Variants in EVI2B observed in about 807,000 individuals in gnomAD.
EVI2B encodes ecotropic viral integration site 2B.
A neutral mutation model predicts 6.6 loss-of-function variants in EVI2B; 4 were observed. The observed-to-expected ratio is 0.61, with a 90% CI of 0.30 to 1.39. The LOEUF (loss-of-function observed/expected upper bound fraction) is 1.39, where lower values mean the gene tolerates loss of function less well. Among genes scored for constraint, EVI2B ranks in the 40% most tolerant of loss-of-function variants. The probability of loss-of-function intolerance (pLI) is 0.08; values close to 1 mark genes in which losing one functional copy is unlikely to be tolerated. For missense variants in EVI2B, 484 were observed against 516.6 expected, an observed-to-expected ratio of 0.94 and a Z score of 0.61; for synonymous variants, 181 against 186.8, an observed-to-expected ratio of 0.97 and a Z score of 0.25.
chr17:31,305,685 T>G (rs554250562), intron 1 of EVI2B, 55 bp from the exon 2 acceptor site: 1 of 1,483,954 alleles, frequency 6.7e-7, no homozygotes, highest in South Asian at 1.4e-5. Flanking sequence ...TGGTGTCTAG[T>G]TAAAAATTTG....
chr17:31,305,417 T>C lies in EVI2B; in HGVS notation c.193A>G (p.Thr65Ala), dbSNP rs778827046. The change falls in exon 2 of 2, where the codon ACT becomes GCT. Residue 65 changes from threonine to alanine, a missense_variant. Transcript: ENST00000330927. ...PLGQPTQFSD[T>A]FSGQSISPAK... Reference sequence around the variant, plus strand: ...GGTGATATTGATTGTCCAGAAAAAGTGTCGCTGAATTGTGTTGGTTGACCC... The same window carrying C: ...GGTGATATTGATTGTCCAGAAAAAGCGTCGCTGAATTGTGTTGGTTGACCC... 2 of 1,614,198 alleles carry C rather than the reference T, an allele frequency of 1.2e-6. No individual in the cohort carries two copies. The highest frequency in any genetic ancestry group is 3.3e-5 in the Admixed American group (2 of 60,020).
rs561921471 is a variant in EVI2B, at chr17:31,307,201, T to G, written c.-21-1571A>C. Among the ~76,000 whole-genome samples, 266 of 152,138 alleles carry G rather than the reference T, an allele frequency of 1.7e-3. 1 individual carries two copies. Among genetic ancestry groups the G allele is most frequent in the Non-Finnish European group, 1.6e-3 (107 of 67,990 alleles). The stretch of plus-strand genomic sequence containing the variant: ...CACGCCTGGCCTATTTTTGTATTTT[T>G]AGCACAGACGGGGTTTCACCGTGTT... On this transcript the variant is annotated intron_variant, in intron 1 of 1. Transcript: ENST00000330927.
In EVI2B at chr17:31,304,102, A is replaced by G. The variant is rs1336942493; in HGVS notation, c.*161T>C. On this transcript the variant is annotated 3_prime_UTR_variant, in exon 2 of 2. Transcript: ENST00000330927. The stretch of plus-strand genomic sequence containing the variant: ...GATTACTGTTAAATAACTTTTTTTA[A>G]AAAAAAGTTTCATCTATGCACATAG... The G allele has an allele frequency of 9.6e-6, 6 of 623,924 alleles. No homozygotes were observed. The highest frequency in any genetic ancestry group is 1.6e-5 in the Non-Finnish European group (6 of 381,266). 38.6% of individuals were successfully genotyped at this position (623,924 alleles called of 1,614,324 possible). A position where few individuals can be genotyped will look rare whatever the true frequency, so the allele number is the denominator to read the frequency against.
chr17:31,305,327 G>A lies in EVI2B; in HGVS notation c.283C>T (p.His95Tyr). ...VYTSSEKPEA[H>Y]TSAGQPLAYN... ...GCAAGTGGTTGTCCAGCAGAAGTAT[G>A]TGCTTCTGGTTTTTCAGAAGAGGTA... Residue 95 changes from histidine to tyrosine, a missense_variant, in exon 2 of 2, where the codon CAT becomes TAT. By Grantham distance (83) the His-to-Tyr change is moderately conservative. Coordinates refer to ENST00000330927, the MANE Select transcript of EVI2B (RefSeq NM_006495.4). 1 of 1,614,154 alleles carries A rather than the reference G, an allele frequency of 6.2e-7. No individual in the cohort carries two copies. The highest frequency in any genetic ancestry group is 1.3e-5 in the African/African-American group (1 of 75,038).
At position 31,304,315 on chromosome 17, in the gene EVI2B, G is replaced by C. The variant is rs2068647900; in HGVS notation, c.1295C>G (p.Ser432Cys). 6.2e-7 allele frequency: 1 copy of C among 1,614,106 alleles called. No individual in the cohort carries two copies. The highest frequency in any genetic ancestry group is 8.5e-7 in the Non-Finnish European group (1 of 1,179,984). Residue 432 changes from serine to cysteine, a missense_variant, in exon 2 of 2, where the codon TCT becomes TGT. Physicochemically the swap from Ser to Cys is moderately radical, Grantham distance 112 (BLOSUM62 -1). Coordinates refer to ENST00000330927, the MANE Select transcript of EVI2B (RefSeq NM_006495.4). ...CAGGGATTCATTAAGATCTTGATCAGAGTTGGGAGGAATAGAGAACTCCTG... is the reference window on the plus strand; with the variant it reads ...CAGGGATTCATTAAGATCTTGATCACAGTTGGGAGGAATAGAGAACTCCTG... ...QCQEFSIPPN[S>C]DQDLNESLPP...
At chr17:31,310,068 C>T (rs1190646827) in intron 1 of EVI2B, among the ~76,000 whole-genome samples, 2 of 151,856 alleles carry the variant, frequency 1.3e-5, no homozygotes, top group African/African-American at 2.4e-5. Flanking sequence ...ACTTTTTTCC[C>T]AGCGGTAATG....
chr17:31,308,433 G>A (rs1302309982), intron 1 of EVI2B, among the ~76,000 whole-genome samples: 1 of 152,058 alleles, frequency 6.6e-6, no homozygotes, highest in Non-Finnish European at 1.5e-5. Flanking sequence ...GAGCCACCAC[G>A]CCTGGCCTGT....
chr17:31,311,616 A>T (rs906360201), intron 1 of EVI2B, among the ~76,000 whole-genome samples: 2 of 152,182 alleles, frequency 1.3e-5, no homozygotes, highest in Admixed American at 1.3e-4. Flanking sequence ...CATGATAGTG[A>T]CCATTTACTG....
intron 1 of EVI2B, among the ~76,000 whole-genome samples, chr17:31,313,174 A>C (rs1422778599): frequency 6.6e-6 from 1 of 152,168 alleles, no homozygotes; most frequent in Non-Finnish European, 1.5e-5. Flanking sequence ...TTTTCTTTCT[A>C]AATTAAGTGA....
Position 31,305,106 on chromosome 17 carries a change from T to TG in EVI2B, c.503dup (p.Gln169ThrfsTer11), listed in dbSNP as rs866697823. On this transcript the variant is annotated frameshift_variant, in exon 2 of 2. Transcript: ENST00000330927. LOFTEE classifies it low-confidence loss of function (END_TRUNC). ...AATTTTTGACAGTTGATGTTGGTTGTGTGGATGGATTATGAACAGTTATTT... is the reference window on the plus strand; with the variant it reads ...AATTTTTGACAGTTGATGTTGGTTGTGGTGGATGGATTATGAACAGTTATTT... The TG allele has an allele frequency of 6.2e-7, 1 of 1,614,042 alleles. No homozygotes were observed. Among genetic ancestry groups the TG allele is most frequent in the African/African-American group, 1.3e-5 (1 of 74,904 alleles).
chr17:31,305,705 TATG>T (rs1212405700), intron 1 of EVI2B, 75 bp from the exon 2 acceptor site: 1 of 1,291,434 alleles, frequency 7.7e-7, no homozygotes, highest in African/African-American at 1.5e-5. Flanking sequence ...GACTTTTCAT[TATG>T]ATTCCTGGCA....
At chr17:31,306,944 G>C (rs778471952) in intron 1 of EVI2B, among the ~76,000 whole-genome samples, 14 of 151,946 alleles carry the variant, frequency 9.2e-5, no homozygotes, top group Non-Finnish European at 1.5e-4. Flanking sequence ...GAGGCCAGGA[G>C]TTCAAGAACA....
At chr17:31,307,008 A>G (rs2068741167) in intron 1 of EVI2B, among the ~76,000 whole-genome samples, 2 of 152,034 alleles carry the variant, frequency 1.3e-5, no homozygotes, top group African/African-American at 4.8e-5. Context: ...AAAGAAAAAA[A>G]GCTAAAAAAT....
intron 1 of EVI2B, among the ~76,000 whole-genome samples, chr17:31,312,973 G>A (rs1466018725): frequency 6.6e-6 from 1 of 152,054 alleles, no homozygotes; most frequent in African/African-American, 2.4e-5. Context: ...TAAAGTCTCA[G>A]ATAATGTGAC....
intron 1 of EVI2B, among the ~76,000 whole-genome samples, chr17:31,309,098 T>C (rs910381530): frequency 3.9e-5 from 6 of 152,346 alleles, no homozygotes; most frequent in Non-Finnish European, 7.4e-5. Flanking sequence ...TCAAATGAGT[T>C]AAGCAGTTTG....
In EVI2B at chr17:31,304,334, ACTC is replaced by A. The variant is rs771394852; in HGVS notation, c.1273_1275del (p.Glu425del). 3.7e-6 allele frequency: 6 copies of A among 1,613,954 alleles called. No homozygotes were observed. Among genetic ancestry groups the A allele is most frequent in the Non-Finnish European group, 5.1e-6 (6 of 1,179,984 alleles). ...TGATCAGAGTTGGGAGGAATAGAGA[ACTC>A]CTGACACTGGATCTCAAGGTTGGAA... On this transcript the variant is annotated inframe_deletion, in exon 2 of 2. Transcript: ENST00000330927.
intron 1 of EVI2B, among the ~76,000 whole-genome samples, chr17:31,311,900 C>A (rs2068886300): frequency 6.6e-6 from 1 of 152,154 alleles, no homozygotes; most frequent in Non-Finnish European, 1.5e-5. Context: ...GTGGGAATTA[C>A]ACGTAAATAA....
intron 1 of EVI2B, among the ~76,000 whole-genome samples, chr17:31,312,538 A>G (rs1253279627): frequency 2.6e-5 from 4 of 151,410 alleles, no homozygotes; most frequent in African/African-American, 9.7e-5. Flanking sequence ...AAAAAAAAGT[A>G]TGGGATTCTA....
At chr17:31,313,745 T>C (rs2068949820) in intron 1 of EVI2B, among the ~76,000 whole-genome samples, 1 of 149,916 alleles carries the variant, frequency 6.7e-6, no homozygotes, top group Admixed American at 6.7e-5. Flanking sequence ...TGTGTGTGTG[T>C]GTGTGTGTGT....
Sources: allele counts gnomAD v4.1 joint callset (sites outside exome capture counted in the v4.1 genomes callset), GRCh38; gene constraint gnomAD v4.1.1; transcripts MANE v1.5; gene names NCBI Gene and HGNC (gene_info 2026-07-23, HGNC 2026-07-21).